The following RUFY4 variants were observed in gnomAD, a reference collection of about 807,000 sequenced individuals.
RUFY4 encodes RUN and FYVE domain-containing protein 4.
In RUFY4, 73 loss-of-function variants were observed where a neutral mutation model predicts 69.0. The observed-to-expected ratio is 1.06, with a 90% CI of 0.88 to 1.29. The LOEUF is 1.29. Among genes scored for constraint, RUFY4 ranks in the 50% most tolerant of loss-of-function variants. The pLI, the probability that RUFY4 is intolerant of heterozygous loss-of-function variation, is 0.00. For synonymous variants in RUFY4, 287 were observed against 271.8 expected (o/e 1.06, Z -0.55); for missense variants, 770 against 705.6 (o/e 1.09, Z -1.03).
chr2:218,035,907 G>A (rs1958969717), intron 2 of RUFY4, among the ~76,000 whole-genome samples: 1 of 152,216 alleles, frequency 6.6e-6, no homozygotes, highest in African/African-American at 2.4e-5. Context: ...TCTCGAGGAG[G>A]ATGAGTACCC....
intron 2 of RUFY4, among the ~76,000 whole-genome samples, chr2:218,048,217 C>G (rs576514410): frequency 6.6e-6 from 1 of 152,146 alleles, no homozygotes; most frequent in African/African-American, 2.4e-5. Flanking sequence ...TTTTTTTACA[C>G]GATTGCTGAC....
chr2:218,036,947 G>C (rs1353053269), intron 2 of RUFY4, among the ~76,000 whole-genome samples: 2 of 152,214 alleles, frequency 1.3e-5, no homozygotes, highest in Non-Finnish European at 2.9e-5. Context: ...AGCAGTTCTT[G>C]TTCTTTGTAA....
chr2:218,083,186 T>A (rs1689807445), exon 9 of RUFY4: 2 of 1,613,368 alleles, frequency 1.2e-6, no homozygotes, highest in South Asian at 2.2e-5. Flanking sequence ...GGATGCCATG[T>A]ACCAGGAGGA....
At chr2:218,060,162 C>T in intron 3 of RUFY4, 2 of 515,490 alleles carry the variant, frequency 3.9e-6, no homozygotes, top group Middle Eastern at 5.5e-4. Flanking sequence ...GGTACCAGGG[C>T]AGGCTTTCTA....
exon 9 of RUFY4, chr2:218,083,228 A>G: frequency 6.2e-7 from 1 of 1,612,094 alleles, no homozygotes; most frequent in Non-Finnish European, 8.5e-7. Flanking sequence ...GGTCCAGGCC[A>G]TGAAGAGGCG....
intron 2 of RUFY4, among the ~76,000 whole-genome samples, chr2:218,042,025 A>G (rs1028567558): frequency 1.3e-5 from 2 of 152,212 alleles, no homozygotes; most frequent in Non-Finnish European, 2.9e-5. Flanking sequence ...GCACTATCCA[A>G]AATTGCATAG....
chr2:218,081,987 T>C (rs1320413986), intron 8 of RUFY4, among the ~76,000 whole-genome samples: 1 of 152,248 alleles, frequency 6.6e-6, no homozygotes, highest in Non-Finnish European at 1.5e-5. Flanking sequence ...GACACGTACA[T>C]GCATCCTGAG....
chr2:218,063,735 G>C (rs191581371), intron 3 of RUFY4, among the ~76,000 whole-genome samples: 471 of 152,294 alleles, frequency 3.1e-3, no homozygotes, highest in Middle Eastern at 0.024. Flanking sequence ...TGTGAGGGCA[G>C]AGCATCAGGC....
At chr2:218,062,487 C>T (rs1013545552) in intron 3 of RUFY4, among the ~76,000 whole-genome samples, 17 of 151,226 alleles carry the variant, frequency 1.1e-4, no homozygotes, top group African/African-American at 3.2e-4. Flanking sequence ...CAGAGGCAGG[C>T]GGATTGCCTG....
At chr2:218,042,451 T>C (rs924973639) in intron 2 of RUFY4, among the ~76,000 whole-genome samples, 1 of 152,216 alleles carries the variant, frequency 6.6e-6, no homozygotes, top group Non-Finnish European at 1.5e-5. Context: ...CAGAAGTTAA[T>C]ATTTCGAGCA....
intron 2 of RUFY4, among the ~76,000 whole-genome samples, chr2:218,041,598 A>G (rs1004536157): frequency 6.6e-6 from 1 of 152,246 alleles, no homozygotes; most frequent in African/African-American, 2.4e-5. Flanking sequence ...CCAAAAAAAA[A>G]AAAAATGATT....
chr2:218,070,447 C>A (rs1689458195), upstream of RUFY4: 1 of 677,660 alleles, frequency 1.5e-6, no homozygotes, highest in Non-Finnish European at 2.6e-6. Context: ...GGGATTCTCC[C>A]CCTACTAGGT....
chr2:218,075,191 G>A (rs1010797062), exon 7 of RUFY4: 7 of 1,558,136 alleles, frequency 4.5e-6, no homozygotes, highest in Non-Finnish European at 4.3e-6. Context: ...GACAGCAGCT[G>A]GCAGGGCTTC....
chr2:218,037,792 C>T (rs188426575), intron 2 of RUFY4, among the ~76,000 whole-genome samples: 121 of 152,284 alleles, frequency 7.9e-4, no homozygotes, highest in African/African-American at 2.9e-3. Flanking sequence ...AAGCAAATCA[C>T]TATATTACCA....
chr2:218,060,061 T>TCTCGGTGG, intron 3 of RUFY4: 2 of 273,036 alleles, frequency 7.3e-6, no homozygotes, highest in Admixed American at 9.7e-5. Context: ...GGAGTGTAGA[T>TCTCGGTGG]TTTCACTTCT....
intron 2 of RUFY4, among the ~76,000 whole-genome samples, chr2:218,046,120 A>C (rs973658137): frequency 6.6e-6 from 1 of 151,816 alleles, no homozygotes; most frequent in South Asian, 2.1e-4. Flanking sequence ...TGATGTTTTG[A>C]TGTATATAAT....
upstream of RUFY4, chr2:218,069,506 G>A (rs1689429567): frequency 6.6e-6 from 1 of 152,180 alleles, no homozygotes; most frequent in East Asian, 1.9e-4. Flanking sequence ...GGGCTGCCGA[G>A]ACCATCAGTC....
chr2:218,038,768 C>T (rs941469296), intron 2 of RUFY4, among the ~76,000 whole-genome samples: 5 of 152,104 alleles, frequency 3.3e-5, no homozygotes, highest in Admixed American at 6.6e-5. Context: ...ACCCTCTTTC[C>T]GATTCATTTG....
intron 6 of RUFY4, 94 bp downstream of exon 8, chr2:218,073,979 A>G (rs1246332839): frequency 8.0e-7 from 1 of 1,254,906 alleles, no homozygotes; most frequent in South Asian, 1.2e-5. Context: ...CTCCGAGTGT[A>G]CAGAGAGCCC....
Sources: gnomAD v4.1 joint callset for allele counts (sites outside exome capture counted in the v4.1 genomes callset) on GRCh38, gnomAD v4.1.1 for gene constraint, MANE v1.5 for transcripts, NCBI Gene and HGNC (gene_info 2026-07-23, HGNC 2026-07-21) for gene names.